Variants in COL21A1 observed in about 807,000 individuals in gnomAD.
The protein encoded by COL21A1 is collagen alpha-1(XXI) chain.
Under a neutral mutation model 137.9 loss-of-function variants are expected in COL21A1, and 149 were observed. That is an observed-to-expected ratio of 1.08 (90% confidence interval 0.95 to 1.24). COL21A1 has a LOEUF of 1.24. COL21A1 is among the 50% of genes most tolerant of loss of function. The probability of loss-of-function intolerance (pLI) is 0.00; values close to 1 mark genes in which losing one functional copy is unlikely to be tolerated. For synonymous variants in COL21A1, 456 were observed against 391.5 expected (o/e 1.16, Z -1.95); for missense variants, 1,167 against 1,158.4 (o/e 1.01, Z -0.11).
At chr6:56,110,096 C>A (rs1293710752) in intron 16 of COL21A1, among the ~76,000 whole-genome samples, 4 of 151,750 alleles carry the variant, frequency 2.6e-5, no homozygotes, top group Non-Finnish European at 5.9e-5. Context: ...AAAACATTTG[C>A]AAATTGAATC....
rs572671265 is a variant in COL21A1 at position 56,160,420 on chromosome 6, C to T, written c.1372-3471G>A. Among the ~76,000 whole-genome samples, 9 of 152,244 alleles carry T rather than the reference C, an allele frequency of 5.9e-5. No individual in the cohort carries two copies. The East Asian group carries it at 1.7e-3, about 29-fold the overall frequency. On this transcript the variant is annotated intron_variant, in intron 9 of 29. Transcript: ENST00000244728. ...GATGGGATTCAAATCCAACCAGTTC[C>T]ACTCCAGGGTCCAAGCTCCTAAACA...
At chr6:56,138,287 CAAT>C (rs1774150863) in intron 12 of COL21A1, among the ~76,000 whole-genome samples, 1 of 149,578 alleles carries the variant, frequency 6.7e-6, no homozygotes, top group Non-Finnish European at 1.5e-5. Context: ...GTAATCATAT[CAAT>C]AATTATTACT....
chr6:56,154,106 T>TG (rs1775545577), intron 10 of COL21A1, among the ~76,000 whole-genome samples: 1 of 152,176 alleles, frequency 6.6e-6, no homozygotes, highest in African/African-American at 2.4e-5. Context: ...AGTTAGGTCA[T>TG]GGAGACACTT....
intron 1 of COL21A1, among the ~76,000 whole-genome samples, chr6:56,266,607 C>T (rs1334509889): frequency 6.6e-6 from 1 of 152,164 alleles, no homozygotes; most frequent in Admixed American, 6.5e-5. Flanking sequence ...GACTGCTGTT[C>T]TTTGAAAGAA....
chr6:56,182,689 T>A, intron 1 of COL21A1, 33 bp from the exon 2 acceptor site: 3 of 941,598 alleles, frequency 3.2e-6, no homozygotes, highest in Non-Finnish European at 5.0e-6. Flanking sequence ...TTAAATATAT[T>A]AATTAAAGTC....
At chr6:56,391,953 C>A (rs1460087681) in intron 1 of COL21A1, among the ~76,000 whole-genome samples, 1 of 152,088 alleles carries the variant, frequency 6.6e-6, no homozygotes, top group Non-Finnish European at 1.5e-5. Context: ...AATACTAATC[C>A]TACTCAAACT....
intron 1 of COL21A1, among the ~76,000 whole-genome samples, chr6:56,227,972 A>T (rs1234198198): frequency 6.6e-6 from 1 of 151,974 alleles, no homozygotes; most frequent in Non-Finnish European, 1.5e-5. Flanking sequence ...AGACAGGAAG[A>T]TAGTACCTGA....
chr6:56,349,962 T>C (rs942261169), intron 1 of COL21A1, among the ~76,000 whole-genome samples: 7 of 152,164 alleles, frequency 4.6e-5, no homozygotes, highest in African/African-American at 1.4e-4. Context: ...GTGAACTCTG[T>C]TGGGATCCTG....
chr6:56,267,319 C>T (rs778567423), intron 1 of COL21A1, among the ~76,000 whole-genome samples: 1 of 152,152 alleles, frequency 6.6e-6, no homozygotes, highest in Non-Finnish European at 1.5e-5. Flanking sequence ...GTTCCTGGTG[C>T]ATAAAAACTT....
At chr6:56,336,445 T>C (rs1765331455) in intron 1 of COL21A1, among the ~76,000 whole-genome samples, 1 of 152,228 alleles carries the variant, frequency 6.6e-6, no homozygotes, top group South Asian at 2.1e-4. Flanking sequence ...TAACTAAATA[T>C]GGTAGAACAA....
At chr6:56,295,714 A>AT (rs1358699645) in intron 1 of COL21A1, among the ~76,000 whole-genome samples, 5 of 151,944 alleles carry the variant, frequency 3.3e-5, no homozygotes, top group Admixed American at 3.3e-4. Flanking sequence ...ATAGTATTAT[A>AT]TTTTTAACTT....
intron 1 of COL21A1, among the ~76,000 whole-genome samples, chr6:56,376,837 C>T (rs1481768538): frequency 1.5e-5 from 1 of 67,334 alleles, no homozygotes; most frequent in Non-Finnish European, 2.5e-5. Context: ...CCACCCCCCA[C>T]CCCCCCCAAA....
At chr6:56,373,499 G>A (rs2093993906) in intron 1 of COL21A1, among the ~76,000 whole-genome samples, 2 of 152,254 alleles carry the variant, frequency 1.3e-5, no homozygotes, top group Non-Finnish European at 2.9e-5. Flanking sequence ...CTACTCGGGA[G>A]GCTGAGGCAG....
At chr6:56,244,199 G>T (rs1450121550) in intron 1 of COL21A1, among the ~76,000 whole-genome samples, 1 of 152,132 alleles carries the variant, frequency 6.6e-6, no homozygotes, top group Non-Finnish European at 1.5e-5. Context: ...GATTATATCT[G>T]CTCTGGACCC....
At chr6:56,317,698 A>G (rs1764768673) in intron 1 of COL21A1, among the ~76,000 whole-genome samples, 1 of 152,030 alleles carries the variant, frequency 6.6e-6, no homozygotes, top group African/African-American at 2.4e-5. Flanking sequence ...CCTTCTGACT[A>G]CCACCTCGTA....
intron 1 of COL21A1, among the ~76,000 whole-genome samples, chr6:56,200,845 T>A (rs550618231): frequency 6.6e-6 from 1 of 152,240 alleles, no homozygotes; most frequent in Non-Finnish European, 1.5e-5. Context: ...GGTCAAATGG[T>A]ACTTCTAGTT....
intron 20 of COL21A1, among the ~76,000 whole-genome samples, chr6:56,073,495 G>A (rs1482365681): frequency 6.6e-6 from 1 of 151,454 alleles, no homozygotes; most frequent in African/African-American, 2.4e-5. Context: ...GCAATGCTTA[G>A]TCAAAGGTTG....
rs1777984933 is a variant in COL21A1, at chr6:56,182,588, C to T, written c.31G>A (p.Val11Ile). 1.2e-6 allele frequency: 2 copies of T among 1,605,490 alleles called. No homozygotes were observed. Among genetic ancestry groups the T allele is most frequent in the Non-Finnish European group, 1.7e-6 (2 of 1,175,146 alleles). The part of the protein sequence containing the change: MAHYITFLCM[V>I]LVLLLQNSVL... ...GAATTCTGAAGAAGCAGCACCAAAACCATGCAGAGAAATGTAATATAGTGA... is the reference window on the plus strand; with the variant it reads ...GAATTCTGAAGAAGCAGCACCAAAATCATGCAGAGAAATGTAATATAGTGA... Residue 11 changes from valine to isoleucine, a missense_variant, in exon 2 of 30, where the codon GTT becomes ATT. Coordinates refer to ENST00000244728, the MANE Select transcript of COL21A1 (RefSeq NM_030820.4).
At chr6:56,258,267 C>G (rs978168150) in intron 1 of COL21A1, among the ~76,000 whole-genome samples, 63 of 152,098 alleles carry the variant, frequency 4.1e-4, no homozygotes, top group African/African-American at 1.5e-3. Flanking sequence ...GTACATACTT[C>G]TTAAAATTAA....
Sources: gnomAD v4.1 joint callset for allele counts (sites outside exome capture counted in the v4.1 genomes callset) on GRCh38, gnomAD v4.1.1 for gene constraint, MANE v1.5 for transcripts, NCBI Gene and HGNC (gene_info 2026-07-23, HGNC 2026-07-21) for gene names.